The following LARP4 variants were observed in gnomAD, a reference collection of about 807,000 sequenced individuals.
LARP4 encodes the protein La ribonucleoprotein 4, also known as la-related protein 4.
In LARP4, 29 loss-of-function variants were observed where a neutral mutation model predicts 92.9. The observed-to-expected ratio is 0.31, with a 90% confidence interval of 0.23 to 0.43. The LOEUF (loss-of-function observed/expected upper bound fraction) is 0.43, where lower values mean the gene tolerates loss of function less well. LARP4 is among the 20% of genes least tolerant of loss of function. The pLI is 1.00. For missense variants in LARP4, 732 were observed against 860.0 expected (o/e 0.85, Z 1.86); for synonymous variants, 279 against 284.1 (o/e 0.98, Z 0.18).
At chr12:50,416,600 C>G (rs1946832138) in intron 1 of LARP4, among the ~76,000 whole-genome samples, 1 of 151,978 alleles carries the variant, frequency 6.6e-6, no homozygotes, top group East Asian at 1.9e-4. Flanking sequence ...GGGAGGATCC[C>G]TAGAGCCTGG....
intron 8 of LARP4, among the ~76,000 whole-genome samples, chr12:50,445,561 A>G (rs912815344): frequency 7.2e-5 from 11 of 151,960 alleles, no homozygotes; most frequent in African/African-American, 2.7e-4. Flanking sequence ...TGGTACTCCA[A>G]TTTCATATGT....
chr12:50,402,212 A>G (rs1232876396), intron 1 of LARP4, among the ~76,000 whole-genome samples: 1 of 152,100 alleles, frequency 6.6e-6, no homozygotes, highest in Non-Finnish European at 1.5e-5. Context: ...TTCTCTTTAA[A>G]CTAACTGATA....
At chr12:50,461,426 A>G in intron 11 of LARP4, 79 bp downstream of exon 11, 2 of 1,254,932 alleles carry the variant, frequency 1.6e-6, no homozygotes, top group Non-Finnish European at 2.2e-6. Flanking sequence ...TCTTCATAAT[A>G]ATTAAATGAG....
intron 1 of LARP4, among the ~76,000 whole-genome samples, chr12:50,408,670 TTC>T (rs1945295838): frequency 6.6e-6 from 1 of 152,184 alleles, no homozygotes; most frequent in South Asian, 2.1e-4. Context: ...TACAAATATT[TTC>T]TGTGACAGAT....
intron 8 of LARP4, among the ~76,000 whole-genome samples, chr12:50,451,186 A>G (rs1033767013): frequency 9.2e-5 from 14 of 152,166 alleles, no homozygotes; most frequent in South Asian, 8.3e-4. Context: ...TTCTAACACA[A>G]ACTTTATACC....
intron 15 of LARP4, 86 bp downstream of exon 15, chr12:50,474,253 G>C: frequency 7.4e-6 from 8 of 1,075,078 alleles, no homozygotes; most frequent in Non-Finnish European, 9.4e-6. Context: ...TGTTAGAACA[G>C]AGTCATTTGG....
At chr12:50,466,091 G>A (rs1956117219) in intron 12 of LARP4, among the ~76,000 whole-genome samples, 1 of 152,162 alleles carries the variant, frequency 6.6e-6, no homozygotes, top group Non-Finnish European at 1.5e-5. Context: ...CTATATGTCA[G>A]GAAATGAGAG....
chr12:50,437,862 A>G (rs762326838), intron 6 of LARP4, 24 bp downstream of exon 6: 1 of 1,373,774 alleles, frequency 7.3e-7, no homozygotes, highest in African/African-American at 1.4e-5. Context: ...AATTGTTAAC[A>G]CTAAATGTTC....
In LARP4 at chr12:50,410,320, A is replaced by G. The variant is rs1391445931; in HGVS notation, c.18+9292A>G. On this transcript the variant is annotated intron_variant, in intron 1 of 15. Coordinates refer to ENST00000398473, the MANE Select transcript of LARP4 (RefSeq NM_052879.5). Reference sequence around the variant, plus strand: ...ACTCCTGGCCTCAAACGATCCTCCCATCTTGGCCTCCCAAAGTGCTGCGAT... The same window carrying G: ...ACTCCTGGCCTCAAACGATCCTCCCGTCTTGGCCTCCCAAAGTGCTGCGAT... 3.3e-5 allele frequency among the ~76,000 whole-genome samples: 5 copies of G among 151,538 alleles called. No homozygotes were observed. The East Asian group carries it at 9.6e-4, about 29-fold the overall frequency.
chr12:50,411,672 T>G (rs1368120070), intron 1 of LARP4, among the ~76,000 whole-genome samples: 2 of 150,710 alleles, frequency 1.3e-5, no homozygotes, highest in Non-Finnish European at 3.0e-5. Flanking sequence ...CTATATTCAT[T>G]TTTGTTTTTT....
chr12:50,470,739 C>G (rs950088069), intron 13 of LARP4, among the ~76,000 whole-genome samples: 1 of 152,064 alleles, frequency 6.6e-6, no homozygotes. Flanking sequence ...TCCTTATAAC[C>G]CCAACACACA....
chr12:50,436,636 A>T (rs1950503436), intron 5 of LARP4, among the ~76,000 whole-genome samples: 1 of 152,180 alleles, frequency 6.6e-6, no homozygotes, highest in Non-Finnish European at 1.5e-5. Flanking sequence ...TTATTTCTTG[A>T]TTGAAGCTTT....
chr12:50,430,477 CTT>C lies in LARP4; in HGVS notation c.323-17_323-16del. ...AACATGCTATTAACTTTTTTTCCCTCTTCTTTTCTACCATCAGGAGAAAGCAA... is the reference window on the plus strand; with the variant it reads ...AACATGCTATTAACTTTTTTTCCCTCCTTTTCTACCATCAGGAGAAAGCAA... On this transcript the variant is annotated splice_polypyrimidine_tract_variant and intron_variant, in intron 3 of 15. Transcript: ENST00000398473. 2.0e-6 allele frequency: 3 copies of C among 1,511,446 alleles called. No homozygotes were observed. The highest frequency in any genetic ancestry group is 2.7e-6 in the Non-Finnish European group (3 of 1,098,502). The allele number at this position is 1,511,446 out of a possible 1,614,324, so 93.6% of individuals were successfully genotyped here.
At chr12:50,408,973 T>C (rs1209887838) in intron 1 of LARP4, among the ~76,000 whole-genome samples, 4 of 152,032 alleles carry the variant, frequency 2.6e-5, no homozygotes, top group African/African-American at 9.7e-5. Flanking sequence ...TGACACCCCA[T>C]GTCTTAAAAA....
At chr12:50,420,824 G>C (rs1947623695) in intron 1 of LARP4, 1 of 151,262 alleles carries the variant, frequency 6.6e-6, no homozygotes, top group African/African-American at 2.4e-5. Flanking sequence ...CGAGATGCAA[G>C]AAAGAACGAT....
At chr12:50,413,729 G>C (rs1946305856) in intron 1 of LARP4, among the ~76,000 whole-genome samples, 1 of 152,220 alleles carries the variant, frequency 6.6e-6, no homozygotes, top group East Asian at 1.9e-4. Flanking sequence ...TTGCAAAACA[G>C]TGTACAAAGT....
At chr12:50,458,654 G>C (rs1593323941) in intron 10 of LARP4, among the ~76,000 whole-genome samples, 2 of 152,178 alleles carry the variant, frequency 1.3e-5, no homozygotes, top group Middle Eastern at 6.8e-3. Context: ...GCAAATAATG[G>C]GCCAAACATA....
At chr12:50,456,330 A>G (rs1954235135) in intron 10 of LARP4, among the ~76,000 whole-genome samples, 1 of 152,130 alleles carries the variant, frequency 6.6e-6, no homozygotes, top group Non-Finnish European at 1.5e-5. Context: ...TTTTCCATAT[A>G]TTTGACCAAT....
At chr12:50,467,620 A>G (rs1186906538) in intron 13 of LARP4, among the ~76,000 whole-genome samples, 1 of 151,992 alleles carries the variant, frequency 6.6e-6, no homozygotes, top group Non-Finnish European at 1.5e-5. Context: ...TCTTCCTGTT[A>G]GTCAATTCAG....
Sources: allele counts gnomAD v4.1 joint callset (sites outside exome capture counted in the v4.1 genomes callset), GRCh38; gene constraint gnomAD v4.1.1; transcripts MANE v1.5; gene names NCBI Gene and HGNC (gene_info 2026-07-23, HGNC 2026-07-21).